VOPP1: variants seen among roughly 807,000 people sequenced by gnomAD.
The protein encoded by VOPP1 is WW domain binding protein VOPP1.
In VOPP1, 8 loss-of-function variants were observed where a neutral mutation model predicts 23.5. The observed-to-expected ratio is 0.34, with a 90% CI of 0.20 to 0.61. The LOEUF is 0.61. Among genes scored for constraint, VOPP1 ranks in the 20% least tolerant of loss-of-function variants. VOPP1 has a pLI of 0.78. For missense variants in VOPP1, 174 were observed against 238.1 expected (o/e 0.73, Z 1.77); for synonymous variants, 83 against 97.3 (o/e 0.85, Z 0.86).
At chr7:55,473,496 TACTC>T (rs140028487) in intron 4 of VOPP1, among the ~76,000 whole-genome samples, 1 of 152,282 alleles carries the variant, frequency 6.6e-6, no homozygotes, top group African/African-American at 2.4e-5. Context: ...GGGCAGGAGT[TACTC>T]ACAGGCAGGG....
intron 4 of VOPP1, among the ~76,000 whole-genome samples, chr7:55,436,553 C>CA (rs1562874986): frequency 6.6e-6 from 1 of 151,876 alleles, no homozygotes. Flanking sequence ...ATCACAACCC[C>CA]GTGTCAGTCC....
chr7:55,490,942 T>C (rs1055903752), intron 4 of VOPP1, among the ~76,000 whole-genome samples: 2 of 152,222 alleles, frequency 1.3e-5, no homozygotes, highest in African/African-American at 4.8e-5. Flanking sequence ...AGAACAAATA[T>C]GCAAATGACT....
At chr7:55,457,834 TC>T (rs556842186) in intron 4 of VOPP1, among the ~76,000 whole-genome samples, 91 of 152,272 alleles carry the variant, frequency 6.0e-4, no homozygotes, top group African/African-American at 2.1e-3. Context: ...CCTTGTATAT[TC>T]TCAATATTAG....
At position 55,529,690 on chromosome 7, in the gene VOPP1, ACCTTT is replaced by A. The variant is rs1796389440; in HGVS notation, c.55-8565_55-8561del. On this transcript the variant is annotated intron_variant, in intron 1 of 4. Transcript: ENST00000285279. ...TCCAACACCCCAATCCAGCTTCAGA[ACCTTT>A]CCTTCACTTCAGAGAGTTCCCTCAT... Among the ~76,000 whole-genome samples the A allele has an allele frequency of 3.3e-5, 5 of 152,170 alleles. No homozygotes were observed. In the South Asian group the frequency reaches 1.0e-3, roughly 32 times the overall value.
intron 4 of VOPP1, among the ~76,000 whole-genome samples, chr7:55,491,639 T>C (rs759511913): frequency 6.6e-6 from 1 of 152,162 alleles, no homozygotes; most frequent in Non-Finnish European, 1.5e-5. Context: ...CCACAGTATG[T>C]AGGAGTTTTA....
intron 1 of VOPP1, among the ~76,000 whole-genome samples, chr7:55,522,150 C>T (rs917170064): frequency 6.6e-6 from 1 of 152,172 alleles, no homozygotes; most frequent in African/African-American, 2.4e-5. Context: ...CTAGCCTGTC[C>T]GCAGCCCCAG....
rs1173969705 is a variant in VOPP1 at position 55,471,595 on chromosome 7, C to T, written c.*1260G>A. The T allele has an allele frequency of 1.3e-5, 2 of 151,426 alleles. No homozygotes were observed. The highest frequency in any genetic ancestry group is 2.1e-4 in the South Asian group (1 of 4,768). The allele number at this position is 151,426 out of a possible 1,614,324, so 9.4% of individuals were successfully genotyped here. On this transcript the variant is annotated 3_prime_UTR_variant, in exon 5 of 5. Transcript: ENST00000285279. ...GGACAGGTCAGCGTTCACACATCAA[C>T]ACTATAACTATGCGGCGGAACTAGC...
chr7:55,466,014 G>A (rs567476629), downstream of VOPP1, among the ~76,000 whole-genome samples: 1 of 152,128 alleles, frequency 6.6e-6, no homozygotes, highest in Non-Finnish European at 1.5e-5. Context: ...GAAGTCATGA[G>A]GGGGAGGGAG....
intron 4 of VOPP1, among the ~76,000 whole-genome samples, chr7:55,482,606 T>C (rs1373557130): frequency 6.6e-6 from 1 of 151,852 alleles, no homozygotes; most frequent in Non-Finnish European, 1.5e-5. Context: ...CCCAAAGTGC[T>C]GGGATTACAG....
chr7:55,539,459 T>C (rs1206471254), intron 1 of VOPP1: 2 of 152,192 alleles, frequency 1.3e-5, no homozygotes, highest in African/African-American at 4.8e-5. Flanking sequence ...CCCCAGATGA[T>C]TTAAGAATTC....
chr7:55,442,188 A>G (rs1790981595), intron 4 of VOPP1, among the ~76,000 whole-genome samples: 1 of 152,202 alleles, frequency 6.6e-6, no homozygotes, highest in Non-Finnish European at 1.5e-5. Context: ...GAGGGTGGGT[A>G]GAATTGCCCA....
intron 4 of VOPP1, 24 bp from the exon 5 acceptor site, chr7:55,473,069 G>A (rs1395693531): frequency 1.3e-6 from 2 of 1,584,046 alleles, no homozygotes; most frequent in Non-Finnish European, 1.7e-6. Context: ...AAACATAGGT[G>A]AGCACAGAAG....
At chr7:55,537,687 G>A in intron 1 of VOPP1, 3 of 1,464,154 alleles carry the variant, frequency 2.0e-6, no homozygotes, top group Non-Finnish European at 2.7e-6. Flanking sequence ...TGAGTGGTGA[G>A]AACATCTACC....
At chr7:55,438,692 G>C (rs1355892211) in intron 4 of VOPP1, among the ~76,000 whole-genome samples, 1 of 152,208 alleles carries the variant, frequency 6.6e-6, no homozygotes, top group Non-Finnish European at 1.5e-5. Flanking sequence ...TTAGGAGTCT[G>C]GCTCTGACCA....
chr7:55,482,307 C>A (rs986159987), intron 4 of VOPP1, among the ~76,000 whole-genome samples: 6 of 151,678 alleles, frequency 4.0e-5, no homozygotes, highest in Non-Finnish European at 8.8e-5. Context: ...AAAAGAACCT[C>A]CTGCTACTGC....
At chr7:55,463,302 G>A (rs1407887494) in intron 4 of VOPP1, among the ~76,000 whole-genome samples, 1 of 152,132 alleles carries the variant, frequency 6.6e-6, no homozygotes, top group East Asian at 1.9e-4. Flanking sequence ...CCTGTTCCTA[G>A]AGAATTACTG....
intron 4 of VOPP1, among the ~76,000 whole-genome samples, chr7:55,448,901 G>A (rs1316863303): frequency 6.7e-6 from 1 of 149,176 alleles, no homozygotes; most frequent in Non-Finnish European, 1.5e-5. Flanking sequence ...AACAAAATGG[G>A]AAGAGGGGGT....
intron 1 of VOPP1, chr7:55,537,803 C>A: frequency 1.0e-6 from 1 of 997,100 alleles, no homozygotes; most frequent in Non-Finnish European, 1.4e-6. Context: ...TCCCACAGCC[C>A]CCACTTCCCC....
chr7:55,445,452 A>G (rs1791078783), intron 4 of VOPP1, among the ~76,000 whole-genome samples: 2 of 152,330 alleles, frequency 1.3e-5, no homozygotes, highest in East Asian at 1.9e-4. Flanking sequence ...TGATAATACT[A>G]TGTTGCATCC....
Sources: gnomAD v4.1 joint callset for allele counts (sites outside exome capture counted in the v4.1 genomes callset) on GRCh38, gnomAD v4.1.1 for gene constraint, MANE v1.5 for transcripts, NCBI Gene and HGNC (gene_info 2026-07-23, HGNC 2026-07-21) for gene names.